Variants in LTBP1 observed in about 807,000 individuals in gnomAD.
LTBP1 encodes the protein latent-transforming growth factor beta-binding protein 1.
A neutral mutation model predicts 207.6 loss-of-function variants in LTBP1; 129 were observed. The ratio of observed to expected loss-of-function variants is 0.62; its 90% CI spans 0.54 to 0.72. LTBP1 has a LOEUF of 0.72. Among genes scored for constraint, LTBP1 ranks in the 30% least tolerant of loss-of-function variants. The pLI, the probability that LTBP1 is intolerant of heterozygous loss-of-function variation, is 0.00. For missense variants in LTBP1, 2,281 were observed against 2,217.2 expected, an observed-to-expected ratio of 1.03 and a Z score of -0.58; for synonymous variants, 963 against 833.7, an observed-to-expected ratio of 1.16 and a Z score of -2.67.
At chr2:33,055,382 A>G (rs553097762) in intron 3 of LTBP1, among the ~76,000 whole-genome samples, 1 of 152,324 alleles carries the variant, frequency 6.6e-6, no homozygotes, top group African/African-American at 2.4e-5. Flanking sequence ...ACATCATTGA[A>G]TAATTCATGG....
intron 5 of LTBP1, among the ~76,000 whole-genome samples, chr2:33,173,756 A>G (rs1316455515): frequency 2.1e-5 from 3 of 145,068 alleles, no homozygotes; most frequent in Non-Finnish European, 3.1e-5. Flanking sequence ...AAAATCCTCA[A>G]TAAAATACTG....
Position 32,947,493 on chromosome 2 carries a change from G to T in LTBP1, c.169G>T (p.Ala57Ser). 6.9e-7 allele frequency: 1 copy of T among 1,441,568 alleles called. No individual in the cohort carries two copies. The allele number at this position is 1,441,568 out of a possible 1,614,324, so 89.3% of individuals were successfully genotyped here. The change falls in exon 1 of 34, where the codon GCG becomes TCG. Residue 57 changes from alanine (A) to serine (S), a missense_variant. Coordinates refer to ENST00000404816, the MANE Select transcript of LTBP1 (RefSeq NM_206943.4). ...CCCGCGTTCGCGGACATTCAACGTC[G>T]CGCTCAACGCCAGGTACAGCCGCAG... ...GPPRSRTFNV[A>S]LNARYSRSSA...
chr2:33,186,056 T>G (rs1308203609), intron 5 of LTBP1, among the ~76,000 whole-genome samples: 1 of 152,208 alleles, frequency 6.6e-6, no homozygotes, highest in Non-Finnish European at 1.5e-5. Context: ...TACCTTTCAG[T>G]ATTCTAAATA....
intron 1 of LTBP1, among the ~76,000 whole-genome samples, chr2:32,948,087 C>T (rs1480556964): frequency 1.3e-5 from 2 of 152,188 alleles, no homozygotes; most frequent in African/African-American, 4.8e-5. Flanking sequence ...TGGGGCGTAA[C>T]CTTCTGCGCG....
At chr2:33,150,696 TCTTTTTTCTTTTTC>T in intron 5 of LTBP1, among the ~76,000 whole-genome samples, 1 of 146,740 alleles carries the variant, frequency 6.8e-6, no homozygotes, top group Non-Finnish European at 1.5e-5. Context: ...TTTTCTTTTT[TCTTTTTTCTTTTTC>T]TTTTTTTTTT....
At chr2:33,209,545 A>G (rs1212225303) in intron 7 of LTBP1, among the ~76,000 whole-genome samples, 3 of 152,238 alleles carry the variant, frequency 2.0e-5, no homozygotes, top group African/African-American at 7.2e-5. Context: ...AATGAAATCT[A>G]TACAATGACA....
intron 19 of LTBP1, among the ~76,000 whole-genome samples, chr2:33,283,706 G>A (rs59830763): frequency 1.3e-5 from 2 of 152,068 alleles, no homozygotes; most frequent in Non-Finnish European, 2.9e-5. Flanking sequence ...AAAGTGCTGG[G>A]ATTACAGGCG....
chr2:33,355,441 A>T (rs1476678394), intron 26 of LTBP1, among the ~76,000 whole-genome samples: 1 of 152,198 alleles, frequency 6.6e-6, no homozygotes, highest in Non-Finnish European at 1.5e-5. Flanking sequence ...CTCATAATAC[A>T]TAATACTATA....
At position 33,301,575 on chromosome 2, in the gene LTBP1, A is replaced by C; in HGVS notation, c.3412A>C (p.Thr1138Pro). 6.2e-7 allele frequency: 1 copy of C among 1,613,322 alleles called. No homozygotes were observed. Among genetic ancestry groups the C allele is most frequent in the Non-Finnish European group, 8.5e-7 (1 of 1,179,678 alleles). ...HLCAHGQCRNTEGSFQCVCDQ... is the reference protein window; with the variant it reads ...HLCAHGQCRNPEGSFQCVCDQ... ...CTGTGCTCATGGGCAGTGCAGGAAC[A>C]CTGAGGGCTCTTTTCAATGTGTGTG... The change falls in exon 22 of 34, where the codon ACT becomes CCT. Residue 1138 changes from threonine (T) to proline (P), a missense_variant. Transcript: ENST00000404816.
intron 3 of LTBP1, among the ~76,000 whole-genome samples, chr2:33,045,088 C>T (rs1029530582): frequency 6.6e-6 from 1 of 152,050 alleles, no homozygotes; most frequent in African/African-American, 2.4e-5. Flanking sequence ...ATGATAGTTT[C>T]TTTTGCTGTG....
chr2:32,979,682 T>C (rs1682456909), intron 2 of LTBP1, among the ~76,000 whole-genome samples: 1 of 152,168 alleles, frequency 6.6e-6, no homozygotes, highest in Non-Finnish European at 1.5e-5. Flanking sequence ...TCTGTAAATA[T>C]CCGTTAGGTC....
intron 3 of LTBP1, among the ~76,000 whole-genome samples, chr2:33,091,383 C>A (rs771849876): frequency 8.5e-5 from 13 of 152,138 alleles, no homozygotes; most frequent in Non-Finnish European, 1.9e-4. Context: ...GAGTTCTGGT[C>A]TCTCTCTGTT....
At chr2:33,046,775 C>T (rs1292316499) in intron 3 of LTBP1, among the ~76,000 whole-genome samples, 9 of 152,094 alleles carry the variant, frequency 5.9e-5, no homozygotes, top group East Asian at 3.9e-4. Flanking sequence ...TATTAATTAC[C>T]GCCTCAATTT....
intron 5 of LTBP1, among the ~76,000 whole-genome samples, chr2:33,172,552 A>G (rs1363462384): frequency 3.3e-5 from 5 of 152,152 alleles, no homozygotes. Context: ...CACAATAATA[A>G]TGGGAGACTT....
intron 19 of LTBP1, among the ~76,000 whole-genome samples, chr2:33,283,996 C>T (rs1396994534): frequency 1.3e-5 from 2 of 152,052 alleles, no homozygotes; most frequent in Non-Finnish European, 2.9e-5. Context: ...TCTATCTTCA[C>T]GTTGATTTGA....
intron 5 of LTBP1, among the ~76,000 whole-genome samples, chr2:33,146,644 G>C (rs1393688669): frequency 6.6e-6 from 1 of 152,228 alleles, no homozygotes; most frequent in Admixed American, 6.5e-5. Flanking sequence ...AGCTGTACAG[G>C]AAGCATGGTT....
At chr2:33,089,586 C>T (rs564700279) in intron 3 of LTBP1, among the ~76,000 whole-genome samples, 1 of 152,306 alleles carries the variant, frequency 6.6e-6, no homozygotes, top group South Asian at 2.1e-4. Flanking sequence ...CTGAGAAACC[C>T]TGTCCTAGTC....
chr2:32,988,767 A>C (rs1683976297), intron 2 of LTBP1, among the ~76,000 whole-genome samples: 1 of 152,218 alleles, frequency 6.6e-6, no homozygotes, highest in Non-Finnish European at 1.5e-5. Flanking sequence ...CCCTCATCTG[A>C]GAATTTACTG....
chr2:33,057,209 TGC>T lies in LTBP1; in HGVS notation c.863+36004_863+36005del. ...TAGCTAGATACAGAGTGCCGATTGG[TGC>T]ATCCACAAATCCTGAGCTAGAGACA... On this transcript the variant is annotated intron_variant, in intron 3 of 33. Transcript: ENST00000404816. 2.0e-5 allele frequency among the ~76,000 whole-genome samples: 3 copies of T among 150,922 alleles called. 1 individual carries two copies. The highest frequency in any genetic ancestry group is 1.5e-5 in the Non-Finnish European group (1 of 67,282).
Sources: gnomAD v4.1 joint callset for allele counts (sites outside exome capture counted in the v4.1 genomes callset) on GRCh38, gnomAD v4.1.1 for gene constraint, MANE v1.5 for transcripts, NCBI Gene and HGNC (gene_info 2026-07-23, HGNC 2026-07-21) for gene names.